The following SDK1 variants were observed in gnomAD, a reference collection of about 807,000 sequenced individuals.
The protein encoded by SDK1 is sidekick cell adhesion molecule 1.
In SDK1, 157 loss-of-function variants were observed where a neutral mutation model predicts 245.5. The ratio of observed to expected loss-of-function variants is 0.64; its 90% CI spans 0.56 to 0.73. The LOEUF is 0.73. Among genes scored for constraint, SDK1 ranks in the 30% least tolerant of loss-of-function variants. SDK1 has a pLI of 0.00. For synonymous variants in SDK1, 1,647 were observed against 1,278.5 expected, an observed-to-expected ratio of 1.29 and a Z score of -6.15; for missense variants, 3,583 against 3,002.3, an observed-to-expected ratio of 1.19 and a Z score of -4.52.
intron 1 of SDK1, among the ~76,000 whole-genome samples, chr7:3,478,111 A>T (rs942233183): frequency 2.6e-5 from 4 of 152,200 alleles, no homozygotes; most frequent in African/African-American, 9.6e-5. Context: ...TCAGTAAAAA[A>T]TTATAAAGTA....
chr7:3,622,262 G>C (rs1781965339), intron 2 of SDK1, among the ~76,000 whole-genome samples: 1 of 152,168 alleles, frequency 6.6e-6, no homozygotes, highest in Non-Finnish European at 1.5e-5. Flanking sequence ...CGGATCATTT[G>C]AGGTCAGGAG....
chr7:3,341,875 C>T (rs1780357667), intron 1 of SDK1, among the ~76,000 whole-genome samples: 1 of 152,138 alleles, frequency 6.6e-6, no homozygotes, highest in Non-Finnish European at 1.5e-5. Context: ...AGCTTTTATG[C>T]AGTTCCTATA....
intron 28 of SDK1, chr7:4,134,810 A>G (rs1472322813): frequency 6.6e-6 from 1 of 152,402 alleles, no homozygotes; most frequent in East Asian, 1.9e-4. Flanking sequence ...GGAGCAAAGC[A>G]TGTGCTTCAT....
At chr7:3,808,001 G>A (rs1202030520) in intron 4 of SDK1, among the ~76,000 whole-genome samples, 3 of 152,176 alleles carry the variant, frequency 2.0e-5, no homozygotes, top group African/African-American at 7.2e-5. Flanking sequence ...GGTGCTGTCA[G>A]TCAAGCATCT....
intron 17 of SDK1, among the ~76,000 whole-genome samples, chr7:4,033,003 AGTC>A (rs1787944442): frequency 7.5e-6 from 1 of 132,986 alleles, no homozygotes; most frequent in Admixed American, 7.5e-5. Context: ...GAGCAAAAAT[AGTC>A]AGGAAACTTC....
chr7:4,262,431 C>G (rs1440188108), intron 44 of SDK1, among the ~76,000 whole-genome samples: 1 of 151,302 alleles, frequency 6.6e-6, no homozygotes, highest in East Asian at 2.0e-4. Context: ...GGTCCATGTT[C>G]TTAATGGAAG....
intron 4 of SDK1, among the ~76,000 whole-genome samples, chr7:3,659,274 A>G (rs981245034): frequency 2.0e-5 from 3 of 152,056 alleles, no homozygotes; most frequent in African/African-American, 7.2e-5. Context: ...CCTGGTCGGT[A>G]CTGGTATGAT....
At chr7:4,176,689 C>T (rs887181469) in intron 34 of SDK1, among the ~76,000 whole-genome samples, 1 of 152,178 alleles carries the variant, frequency 6.6e-6, no homozygotes, top group Non-Finnish European at 1.5e-5. Context: ...CTTTCTGTCT[C>T]GACGGATTTG....
intron 5 of SDK1, among the ~76,000 whole-genome samples, chr7:3,915,072 C>A (rs773462656): frequency 7.2e-5 from 11 of 152,166 alleles, no homozygotes; most frequent in Non-Finnish European, 1.5e-4. Flanking sequence ...TCTTGTACGG[C>A]CGTGGAATCT....
intron 5 of SDK1, among the ~76,000 whole-genome samples, chr7:3,927,761 A>G (rs1194959993): frequency 1.3e-5 from 2 of 152,208 alleles, no homozygotes; most frequent in African/African-American, 2.4e-5. Flanking sequence ...GTCAAATTTC[A>G]TAAATAGATT....
At chr7:3,442,327 G>C (rs1287532132) in intron 1 of SDK1, among the ~76,000 whole-genome samples, 2 of 152,166 alleles carry the variant, frequency 1.3e-5, no homozygotes. Context: ...TCGTGTATGT[G>C]TCAGGTAGCT....
intron 1 of SDK1, among the ~76,000 whole-genome samples, chr7:3,508,996 A>C (rs1056873985): frequency 5.9e-5 from 9 of 152,276 alleles, no homozygotes; most frequent in African/African-American, 2.2e-4. Context: ...TATCTGTGGC[A>C]GTGATGGTGG....
intron 1 of SDK1, among the ~76,000 whole-genome samples, chr7:3,432,947 T>C (rs1396222383): frequency 1.3e-5 from 2 of 152,240 alleles, no homozygotes; most frequent in Admixed American, 6.5e-5. Context: ...AACTTGTAAA[T>C]ATTCACTTAC....
intron 1 of SDK1, among the ~76,000 whole-genome samples, chr7:3,465,075 C>T (rs1780951239): frequency 6.6e-6 from 1 of 152,130 alleles, no homozygotes; most frequent in Non-Finnish European, 1.5e-5. Flanking sequence ...TCAGAATTTA[C>T]ATGTGGTGGG....
chr7:4,011,166 C>T, intron 15 of SDK1, 53 bp downstream of exon 15: 1 of 1,587,896 alleles, frequency 6.3e-7, no homozygotes, highest in Non-Finnish European at 8.6e-7. Flanking sequence ...GGCCTGAATG[C>T]CAAAGAGAAG....
Position 4,180,378 on chromosome 7 carries a change from T to TCCAGCTCTATGCCCAGCGCCC in SDK1, c.5098+1792_5098+1793insCCAGCTCTATGCCCAGCGCCC, listed in dbSNP as rs1562398765. ...CGGCTCCAGCTCTATGCCCAGCGCCTGGCTCCAGCTCTATGCCCAGCGCCT... is the reference window on the plus strand; with the variant it reads ...CGGCTCCAGCTCTATGCCCAGCGCCTCCAGCTCTATGCCCAGCGCCCGGCTCCAGCTCTATGCCCAGCGCCT... On this transcript the variant is annotated intron_variant, in intron 35 of 44. Coordinates refer to ENST00000404826, the MANE Select transcript of SDK1 (RefSeq NM_152744.4). 5.4e-4 allele frequency among the ~76,000 whole-genome samples: 39 copies of TCCAGCTCTATGCCCAGCGCCC among 71,876 alleles called. 1 individual carries two copies. The highest frequency in any genetic ancestry group is 2.1e-3 in the African/African-American group (38 of 18,036). 47.2% of individuals were successfully genotyped at this position (71,876 alleles called of 152,430 possible).
At chr7:3,553,078 A>G (rs1223958355) in intron 1 of SDK1, among the ~76,000 whole-genome samples, 2 of 152,184 alleles carry the variant, frequency 1.3e-5, no homozygotes, top group Non-Finnish European at 2.9e-5. Flanking sequence ...ACCATCTAGT[A>G]TAATTATTTG....
chr7:3,785,399 T>A (rs919387258), intron 4 of SDK1, among the ~76,000 whole-genome samples: 2 of 152,182 alleles, frequency 1.3e-5, no homozygotes, highest in African/African-American at 4.8e-5. Flanking sequence ...TTAACGAGAT[T>A]GATTTAATTA....
chr7:4,157,121 C>T (rs1780781290), intron 30 of SDK1, among the ~76,000 whole-genome samples: 1 of 152,068 alleles, frequency 6.6e-6, no homozygotes, highest in Non-Finnish European at 1.5e-5. Context: ...CAGGGCGGGT[C>T]CCTGACCGGC....
Sources: gnomAD v4.1 joint callset for allele counts (sites outside exome capture counted in the v4.1 genomes callset) on GRCh38, gnomAD v4.1.1 for gene constraint, MANE v1.5 for transcripts, NCBI Gene and HGNC (gene_info 2026-07-23, HGNC 2026-07-21) for gene names.